IGSF21: variants seen among roughly 807,000 people sequenced by gnomAD.
The protein encoded by IGSF21 is immunoglobulin superfamily member 21.
Under a neutral mutation model 46.8 loss-of-function variants are expected in IGSF21, and 28 were observed. That is an observed-to-expected ratio of 0.60 (90% CI 0.44 to 0.82). The LOEUF is 0.82. Among genes scored for constraint, IGSF21 ranks in the 40% least tolerant of loss-of-function variants. The pLI is 0.00. For missense variants in IGSF21, 624 were observed against 665.5 expected, an observed-to-expected ratio of 0.94 and a Z score of 0.69; for synonymous variants, 284 against 273.6, an observed-to-expected ratio of 1.04 and a Z score of -0.38.
Position 18,200,200 on chromosome 1 carries a change from A to G in IGSF21, c.71-27698A>G, listed in dbSNP as rs1219733804. Among the ~76,000 whole-genome samples the G allele has an allele frequency of 2.6e-5, 4 of 152,206 alleles. No homozygotes were observed. The East Asian group carries it at 7.7e-4, about 29-fold the overall frequency. On this transcript the variant is annotated intron_variant, in intron 1 of 9. Transcript: ENST00000251296. The stretch of plus-strand genomic sequence containing the variant: ...TGCATCTTGGTCACCTCGGTTATAA[A>G]ATAAGAAACAAGCCTATCTGTCTCC...
At chr1:18,376,232 T>C in intron 6 of IGSF21, 78 bp from the exon 7 acceptor site, 1 of 986,498 alleles carries the variant, frequency 1.0e-6, no homozygotes, top group African/African-American at 1.6e-5. Context: ...TGTTGATTGC[T>C]AGACTAGAAC....
chr1:18,274,561 G>T (rs1303565201), intron 2 of IGSF21, among the ~76,000 whole-genome samples: 2 of 152,270 alleles, frequency 1.3e-5, no homozygotes, highest in African/African-American at 4.8e-5. Flanking sequence ...TTTCTGGATT[G>T]TCCAGGGCTG....
Position 18,108,166 on chromosome 1 carries a change from T to C in IGSF21, c.38T>C (p.Leu13Pro). 6.9e-7 allele frequency: 1 copy of C among 1,447,962 alleles called. No individual in the cohort carries two copies. The highest frequency in any genetic ancestry group is 9.1e-7 in the Non-Finnish European group (1 of 1,103,614). 89.7% of individuals were successfully genotyped at this position (1,447,962 alleles called of 1,614,324 possible). A position where few individuals can be genotyped will look rare whatever the true frequency, so the allele number is the denominator to read the frequency against. The change falls in exon 1 of 10, where the codon CTG becomes CCG. Residue 13 changes from leucine to proline, a missense_variant. Leu to Pro is a moderately conservative substitution (Grantham distance 98, BLOSUM62 -3). Coordinates refer to ENST00000251296, the MANE Select transcript of IGSF21 (RefSeq NM_032880.5). ...CCGAGCCTCCGCCGCTGCGTCTGCC[T>C]GCTGCTCGCCGCGATCCTGGACCTG... Reference protein sequence around the residue: ...TAPSLRRCVCLLLAAILDLAR... With the variant: ...TAPSLRRCVCPLLAAILDLAR...
intron 6 of IGSF21, among the ~76,000 whole-genome samples, chr1:18,371,654 C>T (rs1163578730): frequency 6.6e-6 from 1 of 151,356 alleles, no homozygotes; most frequent in East Asian, 1.9e-4. Flanking sequence ...AATTCTAGAA[C>T]AAAAAATAAA....
At chr1:18,150,865 G>GCCCATCT (rs1364968105) in intron 1 of IGSF21, among the ~76,000 whole-genome samples, 2 of 152,222 alleles carry the variant, frequency 1.3e-5, no homozygotes, top group African/African-American at 2.4e-5. Flanking sequence ...CTGCTGGTGG[G>GCCCATCT]GCAAGAGTGG....
intron 1 of IGSF21, among the ~76,000 whole-genome samples, chr1:18,163,077 T>G (rs974636494): frequency 1.4e-4 from 22 of 152,148 alleles, no homozygotes; most frequent in African/African-American, 5.1e-4. Context: ...TTCTTCTGAA[T>G]GAAAGATGTT....
intron 2 of IGSF21, among the ~76,000 whole-genome samples, chr1:18,263,603 C>T (rs1197090075): frequency 6.6e-6 from 1 of 152,108 alleles, no homozygotes; most frequent in African/African-American, 2.4e-5. Context: ...TCTCTCAGAA[C>T]CAAACACTTC....
At chr1:18,204,768 C>T (rs912743373) in intron 1 of IGSF21, among the ~76,000 whole-genome samples, 1 of 152,146 alleles carries the variant, frequency 6.6e-6, no homozygotes, top group Non-Finnish European at 1.5e-5. Flanking sequence ...GAATGGATCA[C>T]ATTCAATTCA....
intron 1 of IGSF21, among the ~76,000 whole-genome samples, chr1:18,139,291 G>T (rs2086393533): frequency 6.6e-6 from 1 of 152,160 alleles, no homozygotes; most frequent in Admixed American, 6.5e-5. Flanking sequence ...GGAAAATGCG[G>T]TCGCTGAACC....
intron 4 of IGSF21, among the ~76,000 whole-genome samples, chr1:18,341,033 T>TTC (rs2085832033): frequency 9.4e-6 from 1 of 106,834 alleles, no homozygotes; most frequent in South Asian, 4.4e-4. Flanking sequence ...CTTCTTCTTC[T>TTC]TCTTCTTCTT....
rs1302380398 is a variant in IGSF21, at chr1:18,124,527, C to A, written c.70+16329C>A. 3.3e-5 allele frequency among the ~76,000 whole-genome samples: 5 copies of A among 152,184 alleles called. No homozygotes were observed. In the East Asian group the frequency reaches 9.7e-4, roughly 29 times the overall value. ...CAGAAATCCCTTCCAACTTGACCTT[C>A]TGTGATTCTGAGGCTGCTTGGACTT... On this transcript the variant is annotated intron_variant, in intron 1 of 9. Coordinates refer to ENST00000251296, the MANE Select transcript of IGSF21 (RefSeq NM_032880.5).
chr1:18,153,835 A>C (rs1285168538), intron 1 of IGSF21, among the ~76,000 whole-genome samples: 1 of 152,154 alleles, frequency 6.6e-6, no homozygotes, highest in Admixed American at 6.5e-5. Flanking sequence ...ATCCATCCCC[A>C]CTGAACCAGG....
chr1:18,339,775 G>A (rs750958407), intron 4 of IGSF21, among the ~76,000 whole-genome samples: 3 of 152,150 alleles, frequency 2.0e-5, no homozygotes, highest in African/African-American at 2.4e-5. Context: ...AACGAATTCC[G>A]ATGGATGGGT....
intron 1 of IGSF21, among the ~76,000 whole-genome samples, chr1:18,188,181 A>G (rs2086922205): frequency 6.6e-6 from 1 of 152,134 alleles, no homozygotes; most frequent in Non-Finnish European, 1.5e-5. Flanking sequence ...ACAAAAATAA[A>G]TTTTCGAAAA....
chr1:18,331,316 T>C lies in IGSF21; in HGVS notation c.306-3576T>C, dbSNP rs142301680. Among the ~76,000 whole-genome samples the C allele has an allele frequency of 5.4e-4, 82 of 152,272 alleles. 1 individual carries two copies. In the East Asian group the frequency reaches 0.011, roughly 20 times the overall value. On this transcript the variant is annotated intron_variant, in intron 3 of 9. Transcript: ENST00000251296. The stretch of plus-strand genomic sequence containing the variant: ...ATTGTATCATTCTTATGCCTTTGCA[T>C]CCTCCTAGCTTAGCTCCCACTTATG...
chr1:18,129,532 TG>T (rs1159066033), intron 1 of IGSF21, among the ~76,000 whole-genome samples: 1 of 152,172 alleles, frequency 6.6e-6, no homozygotes, highest in South Asian at 2.1e-4. Context: ...GTTATTGGCC[TG>T]GCCATGCCAC....
rs1433855187 is a variant in IGSF21 at position 18,131,848 on chromosome 1, A to G, written c.70+23650A>G. Among the ~76,000 whole-genome samples the G allele has an allele frequency of 7.2e-5, 11 of 152,242 alleles. No homozygotes were observed. In the South Asian group the frequency reaches 1.2e-3, roughly 17 times the overall value. On this transcript the variant is annotated intron_variant, in intron 1 of 9. Transcript: ENST00000251296. ...GGCACATGCCTTCTCCTTATGGTTCATATACAAAGGTCACTGGCCACACTT... is the reference window on the plus strand; with the variant it reads ...GGCACATGCCTTCTCCTTATGGTTCGTATACAAAGGTCACTGGCCACACTT...
At chr1:18,362,308 C>T (rs2086110076) in intron 5 of IGSF21, 78 bp downstream of exon 5, 8 of 1,012,844 alleles carry the variant, frequency 7.9e-6, no homozygotes, top group South Asian at 1.4e-5. Context: ...CTGCAGGTGT[C>T]GCCACTGTGC....
At chr1:18,142,944 A>G (rs2124426744) in intron 1 of IGSF21, among the ~76,000 whole-genome samples, 1 of 152,246 alleles carries the variant, frequency 6.6e-6, no homozygotes, top group Middle Eastern at 3.4e-3. Flanking sequence ...TTGGATGGGG[A>G]ACCAGAGGCT....
Sources: gnomAD v4.1 joint callset for allele counts (sites outside exome capture counted in the v4.1 genomes callset) on GRCh38, gnomAD v4.1.1 for gene constraint, MANE v1.5 for transcripts, NCBI Gene and HGNC (gene_info 2026-07-23, HGNC 2026-07-21) for gene names.